NEGR1: variants seen among roughly 807,000 people sequenced by gnomAD.
NEGR1 encodes neuronal growth regulator 1.
In NEGR1, 10 loss-of-function variants were observed where a neutral mutation model predicts 40.9. That is an observed-to-expected ratio of 0.24 (90% confidence interval 0.15 to 0.42). NEGR1 has a LOEUF of 0.42. Ranked by LOEUF, NEGR1 falls within the 10% of genes least tolerant of loss-of-function variation. NEGR1 has a pLI of 1.00. For synonymous variants in NEGR1, 185 were observed against 166.8 expected (o/e 1.11, Z -0.84); for missense variants, 352 against 438.9 (o/e 0.80, Z 1.77).
chr1:72,079,655 C>G (rs548874715), intron 1 of NEGR1, among the ~76,000 whole-genome samples: 12 of 151,846 alleles, frequency 7.9e-5, no homozygotes, highest in Non-Finnish European at 1.6e-4. Context: ...TTTAAATGAT[C>G]AAAACTTGGG....
chr1:71,625,467 G>T (rs1331552992), intron 4 of NEGR1, among the ~76,000 whole-genome samples: 1 of 151,798 alleles, frequency 6.6e-6, no homozygotes, highest in East Asian at 1.9e-4. Context: ...TATAGTATTA[G>T]GTGTTATAAG....
chr1:72,040,577 CAAAAAAAAAAAAAAAAA>C (rs5775102), intron 1 of NEGR1, among the ~76,000 whole-genome samples: 41 of 29,706 alleles, frequency 1.4e-3, no homozygotes, highest in South Asian at 4.0e-3. Flanking sequence ...GAGCACTGAC[CAAAAAAAAAAAAAAAAA>C]AAAAAAAAAA....
chr1:72,051,514 T>A (rs1334670514), intron 1 of NEGR1, among the ~76,000 whole-genome samples: 2 of 151,570 alleles, frequency 1.3e-5, no homozygotes, highest in South Asian at 4.1e-4. Flanking sequence ...TATTATGCGA[T>A]ATTATTTTGT....
intron 1 of NEGR1, among the ~76,000 whole-genome samples, chr1:72,084,779 C>G (rs188208052): frequency 5.3e-5 from 8 of 152,208 alleles, no homozygotes; most frequent in South Asian, 2.1e-4. Context: ...TTCAGAGAAA[C>G]TCATGTTGGA....
intron 6 of NEGR1, among the ~76,000 whole-genome samples, chr1:71,497,790 G>A (rs1646974903): frequency 6.6e-6 from 1 of 152,018 alleles, no homozygotes; most frequent in Non-Finnish European, 1.5e-5. Flanking sequence ...ATTATTTCAG[G>A]TAAAATAAAA....
chr1:72,146,779 G>A (rs1009333627), intron 1 of NEGR1, among the ~76,000 whole-genome samples: 2 of 152,122 alleles, frequency 1.3e-5, no homozygotes, highest in African/African-American at 4.8e-5. Flanking sequence ...TATTGTATCT[G>A]TAAAGCTGAT....
chr1:72,036,776 T>C (rs1305556791), intron 1 of NEGR1, among the ~76,000 whole-genome samples: 1 of 151,974 alleles, frequency 6.6e-6, no homozygotes, highest in Admixed American at 6.6e-5. Context: ...TACATATATA[T>C]ATGAATTACA....
chr1:71,928,025 A>ACACAC, intron 2 of NEGR1, among the ~76,000 whole-genome samples: 1 of 79,148 alleles, frequency 1.3e-5, no homozygotes, highest in African/African-American at 5.1e-5. Flanking sequence ...TAAATAAATA[A>ACACAC]ATACACACAC....
chr1:71,690,573 C>T (rs1303117583), intron 4 of NEGR1, among the ~76,000 whole-genome samples: 1 of 141,074 alleles, frequency 7.1e-6, no homozygotes, highest in Non-Finnish European at 1.5e-5. Flanking sequence ...ATAACACACA[C>T]ACACACACAC....
chr1:72,129,559 A>G (rs1650164847), intron 1 of NEGR1, among the ~76,000 whole-genome samples: 1 of 152,200 alleles, frequency 6.6e-6, no homozygotes, highest in Non-Finnish European at 1.5e-5. Flanking sequence ...AGCTACAAAC[A>G]GTAATATTGA....
At chr1:71,537,652 C>G (rs1294979511) in intron 6 of NEGR1, among the ~76,000 whole-genome samples, 1 of 151,668 alleles carries the variant, frequency 6.6e-6, no homozygotes, top group Non-Finnish European at 1.5e-5. Context: ...AGGGACAACT[C>G]GTCTGATAGT....
At chr1:71,700,295 C>G (rs568047946) in intron 3 of NEGR1, among the ~76,000 whole-genome samples, 1 of 151,830 alleles carries the variant, frequency 6.6e-6, no homozygotes, top group East Asian at 1.9e-4. Flanking sequence ...GCTAAAGAGC[C>G]CAGTGACACA....
At chr1:72,173,635 A>G (rs1652046997) in intron 1 of NEGR1, among the ~76,000 whole-genome samples, 1 of 152,004 alleles carries the variant, frequency 6.6e-6, no homozygotes, top group Non-Finnish European at 1.5e-5. Context: ...ACTAAATAAT[A>G]AAGGATAGAT....
chr1:71,652,047 A>G (rs1011252180), intron 4 of NEGR1, among the ~76,000 whole-genome samples: 3 of 152,186 alleles, frequency 2.0e-5, no homozygotes, highest in Admixed American at 6.5e-5. Context: ...GTATTTTACA[A>G]CTAGAGAAAC....
At chr1:71,862,988 A>C (rs1469578229) in intron 2 of NEGR1, among the ~76,000 whole-genome samples, 1 of 152,218 alleles carries the variant, frequency 6.6e-6, no homozygotes, top group Non-Finnish European at 1.5e-5. Flanking sequence ...GAATGCTTTT[A>C]CACTGTTGGT....
At chr1:72,163,581 C>A (rs183218467) in intron 1 of NEGR1, among the ~76,000 whole-genome samples, 1 of 151,988 alleles carries the variant, frequency 6.6e-6, no homozygotes, top group African/African-American at 2.4e-5. Flanking sequence ...AGATTTAGTA[C>A]ATGTTATCTA....
chr1:71,542,772 TATG>T (rs2101459058), intron 6 of NEGR1, among the ~76,000 whole-genome samples: 1 of 151,856 alleles, frequency 6.6e-6, no homozygotes, highest in South Asian at 2.1e-4. Context: ...ATGTCACTCC[TATG>T]ATAACCTTTG....
intron 1 of NEGR1, among the ~76,000 whole-genome samples, chr1:71,988,218 C>G (rs1646416177): frequency 6.6e-6 from 1 of 152,042 alleles, no homozygotes; most frequent in Non-Finnish European, 1.5e-5. Flanking sequence ...ATGCCAAGAA[C>G]AGAGGCCAGA....
chr1:72,107,705 A>T (rs1421560047), intron 1 of NEGR1, among the ~76,000 whole-genome samples: 2 of 151,414 alleles, frequency 1.3e-5, no homozygotes, highest in African/African-American at 2.4e-5. Flanking sequence ...ACTATGTAGA[A>T]TGACACAGAC....
Sources: gnomAD v4.1 joint callset for allele counts (sites outside exome capture counted in the v4.1 genomes callset) on GRCh38, gnomAD v4.1.1 for gene constraint, MANE v1.5 for transcripts, NCBI Gene and HGNC (gene_info 2026-07-23, HGNC 2026-07-21) for gene names.